BCR: variants seen among roughly 807,000 people sequenced by gnomAD.
BCR encodes breakpoint cluster region protein.
BCR carries 58 observed loss-of-function variants against 138.6 expected under a neutral mutation model. That is an observed-to-expected ratio of 0.42 (90% CI 0.34 to 0.52). The LOEUF is 0.52. BCR is among the 20% of genes least tolerant of loss of function. BCR has a pLI of 0.06. For synonymous variants in BCR, 786 were observed against 730.1 expected, an observed-to-expected ratio of 1.08 and a Z score of -1.23; for missense variants, 1,599 against 1,727.2, an observed-to-expected ratio of 0.93 and a Z score of 1.32.
At chr22:23,210,089 A>G (rs948220437) in intron 1 of BCR, among the ~76,000 whole-genome samples, 2 of 152,234 alleles carry the variant, frequency 1.3e-5, no homozygotes, top group Non-Finnish European at 2.9e-5. Flanking sequence ...AGGTAAAACA[A>G]AAATACATAT....
intron 1 of BCR, 30 bp from the exon 2 acceptor site, chr22:23,253,769 C>A: frequency 6.3e-7 from 1 of 1,592,156 alleles, no homozygotes; most frequent in Non-Finnish European, 8.6e-7. Flanking sequence ...TTCTCTGTCT[C>A]TAACACAGGA....
At chr22:23,242,274 C>T (rs1034407469) in intron 1 of BCR, among the ~76,000 whole-genome samples, 1 of 152,122 alleles carries the variant, frequency 6.6e-6, no homozygotes, top group Non-Finnish European at 1.5e-5. Context: ...GGGGTGTAAA[C>T]CTGGTGGAAG....
chr22:23,293,977 G>A (rs921496647), intron 15 of BCR, among the ~76,000 whole-genome samples: 1 of 152,204 alleles, frequency 6.6e-6, no homozygotes, highest in Non-Finnish European at 1.5e-5. Context: ...ACGCACCCAC[G>A]GCAGACAACT....
At chr22:23,186,102 C>G (rs1569236229) in intron 1 of BCR, among the ~76,000 whole-genome samples, 1 of 152,134 alleles carries the variant, frequency 6.6e-6, no homozygotes, top group African/African-American at 2.4e-5. Flanking sequence ...TGTATGTGCT[C>G]AAGGGAAGTG....
At chr22:23,290,720 G>T in intron 14 of BCR, 1 of 382,296 alleles carries the variant, frequency 2.6e-6, no homozygotes, top group South Asian at 2.7e-5. Flanking sequence ...ATCCCCAGGG[G>T]TGCCCGGGAG....
chr22:23,284,734 T>C (rs2073690976), intron 9 of BCR, among the ~76,000 whole-genome samples: 1 of 152,144 alleles, frequency 6.6e-6, no homozygotes, highest in Non-Finnish European at 1.5e-5. Context: ...GTCCTGTCAT[T>C]GTGCAGCCTT....
chr22:23,301,145 AAC>A (rs2073897961), intron 16 of BCR, among the ~76,000 whole-genome samples: 1 of 152,252 alleles, frequency 6.6e-6, no homozygotes, highest in Admixed American at 6.5e-5. Context: ...CTCTACTAAA[AAC>A]ACAAAAAAAT....
intron 1 of BCR, among the ~76,000 whole-genome samples, chr22:23,215,804 G>A (rs2072745311): frequency 6.6e-6 from 1 of 152,176 alleles, no homozygotes; most frequent in South Asian, 2.1e-4. Context: ...CCCCCACTCA[G>A]CAGCTCAGGA....
At chr22:23,250,142 A>G (rs1007364721) in intron 1 of BCR, among the ~76,000 whole-genome samples, 3 of 152,212 alleles carry the variant, frequency 2.0e-5, no homozygotes, top group Non-Finnish European at 4.4e-5. Flanking sequence ...GGAGTCTTAC[A>G]GTTACTCTGA....
chr22:23,314,597 C>T lies in BCR; in HGVS notation c.3609C>T (p.Leu1203=), dbSNP rs56044087. Residue 1203 remains leucine, a synonymous_variant, in exon 22 of 23, where the codon CTC becomes CTT. Transcript: ENST00000305877. ...EAVNKMSLHN[L]ATVFGPTLLR... ...TCAATAAGATGTCCCTGCACAACCT[C>T]GCCACGGTCTTTGGCCCCACGCTGC... 17 of 1,611,930 alleles carry T rather than the reference C, an allele frequency of 1.1e-5. No individual in the cohort carries two copies. The South Asian group carries it at 1.1e-4, about 10-fold the overall frequency.
At chr22:23,291,358 G>A (rs1427562168) in intron 14 of BCR, among the ~76,000 whole-genome samples, 1 of 151,530 alleles carries the variant, frequency 6.6e-6, no homozygotes, top group Non-Finnish European at 1.5e-5. Context: ...TGAAAAGACT[G>A]TGGTGCTGTT....
At chr22:23,244,954 CAG>C (rs886656601) in intron 1 of BCR, among the ~76,000 whole-genome samples, 1 of 152,160 alleles carries the variant, frequency 6.6e-6, no homozygotes, top group Non-Finnish European at 1.5e-5. Flanking sequence ...TCCTTGGAGA[CAG>C]GGGATGGTCC....
At chr22:23,242,898 C>T (rs1051737124) in intron 1 of BCR, 25 of 455,656 alleles carry the variant, frequency 5.5e-5, no homozygotes, top group Middle Eastern at 3.2e-4. Flanking sequence ...TCCTTCCTTT[C>T]TGTTCCCAGC....
chr22:23,254,050 G>A, intron 2 of BCR, 70 bp downstream of exon 2: 1 of 1,489,640 alleles, frequency 6.7e-7, no homozygotes, highest in East Asian at 2.4e-5. Flanking sequence ...CCCATGCTCA[G>A]GGGTATGTAG....
At chr22:23,197,253 G>A (rs12484280) in intron 1 of BCR, among the ~76,000 whole-genome samples, 44,102 of 152,124 alleles carry the variant, frequency 0.29, 6,507 homozygotes, top group East Asian at 0.35. Flanking sequence ...AATAGGCTGT[G>A]CCACGTAGCC....
chr22:23,183,134 C>T (rs2072292693), intron 1 of BCR, among the ~76,000 whole-genome samples: 1 of 152,164 alleles, frequency 6.6e-6, no homozygotes, highest in Non-Finnish European at 1.5e-5. Context: ...GATTGTACGC[C>T]TAACTTCTGT....
chr22:23,200,959 A>G (rs1602007797), intron 1 of BCR, among the ~76,000 whole-genome samples: 1 of 152,172 alleles, frequency 6.6e-6, no homozygotes. Context: ...AGGCTGGTAC[A>G]TTAGGAGCCC....
chr22:23,298,123 T>G (rs1033702580), intron 16 of BCR, among the ~76,000 whole-genome samples: 1 of 152,154 alleles, frequency 6.6e-6, no homozygotes, highest in African/African-American at 2.4e-5. Flanking sequence ...CTGAAGTCAC[T>G]TGGATGAGTG....
At chr22:23,264,053 C>G in intron 4 of BCR, 1 of 1,055,804 alleles carries the variant, frequency 9.5e-7, no homozygotes, top group Non-Finnish European at 1.5e-6. Context: ...TCTCCTGTGG[C>G]TATGACACCT....
Sources: allele counts gnomAD v4.1 joint callset (sites outside exome capture counted in the v4.1 genomes callset), GRCh38; gene constraint gnomAD v4.1.1; transcripts MANE v1.5; gene names NCBI Gene and HGNC (gene_info 2026-07-23, HGNC 2026-07-21).